ACBD6: variants seen among roughly 807,000 people sequenced by gnomAD.
ACBD6 encodes acyl-CoA-binding domain-containing protein 6.
ACBD6 carries 28 observed loss-of-function variants against 37.2 expected under a neutral mutation model. That is an observed-to-expected ratio of 0.75 (90% CI 0.56 to 1.03). The LOEUF (loss-of-function observed/expected upper bound fraction) is 1.03, where lower values mean the gene tolerates loss of function less well. Among genes scored for constraint, ACBD6 ranks in the 50% least tolerant of loss-of-function variants. The pLI is 0.00. For synonymous variants in ACBD6, 113 were observed against 126.8 expected (o/e 0.89, Z 0.73); for missense variants, 340 against 337.4 (o/e 1.01, Z -0.06).
chr1:180,493,089 AG>A (rs1408000291), intron 2 of ACBD6, among the ~76,000 whole-genome samples: 2 of 151,872 alleles, frequency 1.3e-5, no homozygotes, highest in African/African-American at 4.8e-5. Flanking sequence ...TCTCTACTAA[AG>A]ATACAAAAAT....
chr1:180,361,933 T>C (rs557468345), intron 6 of ACBD6, among the ~76,000 whole-genome samples: 10 of 152,084 alleles, frequency 6.6e-5, no homozygotes, highest in Non-Finnish European at 8.8e-5. Flanking sequence ...AATAAAATAT[T>C]AAAAGTACTG....
chr1:180,428,124 T>A (rs566262351), intron 4 of ACBD6, among the ~76,000 whole-genome samples: 1 of 152,268 alleles, frequency 6.6e-6, no homozygotes, highest in South Asian at 2.1e-4. Flanking sequence ...ACATTCATGT[T>A]TCTTACTCTT....
intron 6 of ACBD6, among the ~76,000 whole-genome samples, chr1:180,370,237 T>C (rs565560243): frequency 2.0e-5 from 3 of 152,210 alleles, no homozygotes; most frequent in African/African-American, 7.2e-5. Flanking sequence ...AAAGGGAGGT[T>C]GTAGTTAGAG....
At chr1:180,302,062 G>T (rs986307419) in intron 7 of ACBD6, among the ~76,000 whole-genome samples, 5 of 151,870 alleles carry the variant, frequency 3.3e-5, no homozygotes, top group Non-Finnish European at 5.9e-5. Flanking sequence ...TGGAGGGATA[G>T]CATTAGGAGA....
downstream of ACBD6, among the ~76,000 whole-genome samples, chr1:180,285,335 G>A (rs1571316063): frequency 6.6e-6 from 1 of 152,206 alleles, no homozygotes; most frequent in East Asian, 1.9e-4. Flanking sequence ...CTGGGAGACA[G>A]AGTGAGACCT....
chr1:180,327,947 T>TTCC (rs758232604), intron 6 of ACBD6, among the ~76,000 whole-genome samples: 14 of 152,242 alleles, frequency 9.2e-5, no homozygotes, highest in African/African-American at 3.4e-4. Flanking sequence ...TTAGGAATAT[T>TTCC]TCCTTTAAGG....
chr1:180,296,412 A>C (rs1202620518), intron 7 of ACBD6, among the ~76,000 whole-genome samples: 1 of 131,498 alleles, frequency 7.6e-6, no homozygotes, highest in Non-Finnish European at 1.6e-5. Flanking sequence ...GAGGATGGCT[A>C]TACTACACAA....
Position 180,292,341 on chromosome 1 carries a change from C to T in ACBD6, c.695-3824G>A, listed in dbSNP as rs114968829. The stretch of plus-strand genomic sequence containing the variant: ...TTTCCATTTAAATTTTCCTTAATTT[C>T]GATAATATTTAGGAATTATACACAT... On this transcript the variant is annotated intron_variant, in intron 7 of 7. Coordinates refer to ENST00000367595, the MANE Select transcript of ACBD6 (RefSeq NM_032360.4). 4.1e-3 allele frequency among the ~76,000 whole-genome samples: 630 copies of T among 152,104 alleles called. 2 individuals carry two copies. The highest frequency in any genetic ancestry group is 0.014 in the African/African-American group (593 of 41,506).
chr1:180,281,815 A>T (rs562187781), intron 8 of ACBD6, among the ~76,000 whole-genome samples: 1 of 152,348 alleles, frequency 6.6e-6, no homozygotes, highest in East Asian at 1.9e-4. Context: ...GGAAAAGGGA[A>T]ATTTTATTAT....
intron 6 of ACBD6, among the ~76,000 whole-genome samples, chr1:180,316,931 C>T (rs1325449227): frequency 6.6e-6 from 1 of 152,114 alleles, no homozygotes; most frequent in African/African-American, 2.4e-5. Flanking sequence ...GATGTGGGTG[C>T]TATTTTAGAT....
chr1:180,353,446 T>C (rs958708086), intron 6 of ACBD6, among the ~76,000 whole-genome samples: 7 of 152,192 alleles, frequency 4.6e-5, no homozygotes, highest in Non-Finnish European at 8.8e-5. Context: ...CAACTGCAAC[T>C]CTGAACATCT....
chr1:180,421,694 C>A (rs1401880057), intron 4 of ACBD6, among the ~76,000 whole-genome samples: 4 of 152,100 alleles, frequency 2.6e-5, no homozygotes, highest in African/African-American at 9.7e-5. Context: ...AACAGCCATT[C>A]TGACTGTTAC....
At chr1:180,352,244 T>C (rs531386693) in intron 6 of ACBD6, among the ~76,000 whole-genome samples, 2 of 152,284 alleles carry the variant, frequency 1.3e-5, no homozygotes, top group African/African-American at 4.8e-5. Context: ...ACAATGTGAA[T>C]GGATGAATAA....
intron 6 of ACBD6, among the ~76,000 whole-genome samples, chr1:180,349,960 T>A (rs190172713): frequency 6.6e-6 from 1 of 152,102 alleles, no homozygotes; most frequent in East Asian, 1.9e-4. Flanking sequence ...ATAATTTTGA[T>A]GTAATCAACC....
At chr1:180,349,405 G>A (rs968981183) in intron 6 of ACBD6, among the ~76,000 whole-genome samples, 1 of 151,298 alleles carries the variant, frequency 6.6e-6, no homozygotes, top group Non-Finnish European at 1.5e-5. Context: ...ACAGGCACCC[G>A]CCACCACGCC....
intron 6 of ACBD6, among the ~76,000 whole-genome samples, chr1:180,333,170 A>G (rs960511368): frequency 6.6e-6 from 1 of 152,216 alleles, no homozygotes; most frequent in Non-Finnish European, 1.5e-5. Flanking sequence ...AACATGTTAC[A>G]TGTTTTACAC....
intron 6 of ACBD6, among the ~76,000 whole-genome samples, chr1:180,332,449 C>T (rs1356770499): frequency 6.6e-6 from 1 of 152,156 alleles, no homozygotes; most frequent in Non-Finnish European, 1.5e-5. Flanking sequence ...AGTTGTTCCT[C>T]ATCACTCACA....
chr1:180,284,633 GT>G (rs1649417216), downstream of ACBD6, among the ~76,000 whole-genome samples: 1 of 151,884 alleles, frequency 6.6e-6, no homozygotes, highest in Non-Finnish European at 1.5e-5. Flanking sequence ...GCCTCCCAAA[GT>G]GCTGGAATTA....
intron 3 of ACBD6, among the ~76,000 whole-genome samples, chr1:180,440,932 A>G (rs1323461404): frequency 2.0e-5 from 3 of 152,088 alleles, no homozygotes; most frequent in Non-Finnish European, 4.4e-5. Context: ...ACAATGCCAA[A>G]TTTTGCTTAT....
Sources: gnomAD v4.1 joint callset for allele counts (sites outside exome capture counted in the v4.1 genomes callset) on GRCh38, gnomAD v4.1.1 for gene constraint, MANE v1.5 for transcripts, NCBI Gene and HGNC (gene_info 2026-07-23, HGNC 2026-07-21) for gene names.